TENM3: variants seen among roughly 807,000 people sequenced by gnomAD.
TENM3 encodes the protein teneurin transmembrane protein 3.
Under a neutral mutation model 255.1 loss-of-function variants are expected in TENM3, and 63 were observed. The ratio of observed to expected loss-of-function variants is 0.25; its 90% CI spans 0.20 to 0.30. The LOEUF is 0.30. Among genes scored for constraint, TENM3 ranks in the 10% least tolerant of loss-of-function variants. TENM3 has a pLI of 1.00. For synonymous variants in TENM3, 1,306 were observed against 1,322.3 expected (o/e 0.99, Z 0.27); for missense variants, 2,929 against 3,461.1 (o/e 0.85, Z 3.86).
chr4:181,779,946 G>A, the TENM3 span, among the ~76,000 whole-genome samples: 2 of 152,250 alleles, frequency 1.3e-5, no homozygotes, highest in East Asian at 3.9e-4. Context: ...CTTCATCCAT[G>A]TCCCTACAAA....
At chr4:181,698,801 A>G in the TENM3 span, among the ~76,000 whole-genome samples, 3 of 152,246 alleles carry the variant, frequency 2.0e-5, no homozygotes, top group African/African-American at 7.2e-5. Flanking sequence ...TTTGTCATTT[A>G]AAAAGTGATT....
chr4:182,111,189 C>CTTTTTTTTTTTTTTTTTTTT, the TENM3 span, among the ~76,000 whole-genome samples: 1 of 80,534 alleles, frequency 1.2e-5, no homozygotes, highest in Admixed American at 1.5e-4. Flanking sequence ...GTCTTCTTCT[C>CTTTTTTTTTTTTTTTTTTTT]TTTTTTTTTT....
At chr4:181,872,386 A>C in the TENM3 span, among the ~76,000 whole-genome samples, 1 of 151,900 alleles carries the variant, frequency 6.6e-6, no homozygotes, top group Non-Finnish European at 1.5e-5. Flanking sequence ...AACTTGTGTC[A>C]TGAGGGTTTG....
At chr4:182,050,195 G>A in the TENM3 span, among the ~76,000 whole-genome samples, 1 of 152,010 alleles carries the variant, frequency 6.6e-6, no homozygotes, top group African/African-American at 2.4e-5. Flanking sequence ...GTTTTGCCGT[G>A]TTGGCCAGGC....
At chr4:181,644,985 T>A in the TENM3 span, among the ~76,000 whole-genome samples, 4 of 152,146 alleles carry the variant, frequency 2.6e-5, no homozygotes, top group African/African-American at 9.7e-5. Context: ...CTAGACCATG[T>A]ACATGATGAA....
chr4:182,569,573 A>G (rs1470843287), intron 3 of TENM3, among the ~76,000 whole-genome samples: 5 of 151,756 alleles, frequency 3.3e-5, no homozygotes, highest in Admixed American at 6.6e-5. Flanking sequence ...AAAAAAAAAA[A>G]AGAAAGAAAG....
chr4:181,517,646 A>G, the TENM3 span, among the ~76,000 whole-genome samples: 7 of 152,208 alleles, frequency 4.6e-5, no homozygotes, highest in African/African-American at 1.4e-4. Flanking sequence ...TTTTTCAATA[A>G]GCAGAATGCT....
the TENM3 span, among the ~76,000 whole-genome samples, chr4:181,784,115 G>C: frequency 1.1e-4 from 16 of 150,698 alleles, no homozygotes; most frequent in Non-Finnish European, 2.1e-4. Flanking sequence ...CTGCAATAAT[G>C]ACATTCTTGT....
At chr4:181,478,627 T>C in the TENM3 span, among the ~76,000 whole-genome samples, 2 of 152,218 alleles carry the variant, frequency 1.3e-5, no homozygotes, top group East Asian at 3.8e-4. Context: ...TCAAGGAATT[T>C]ATTAATTCTT....
At position 182,162,500 on chromosome 4, in the gene TENM3, G is replaced by A. The variant is rs565834422; in HGVS notation, c.-76+17746G>A. On this transcript the variant is annotated intron_variant, in intron 1 of 2. Transcript: ENST00000512480. ...TCAAGGAAGAGAGAGGAATGTATAG[G>A]GTGGGGTTTGTTCCAGTGCCATCTC... Among the ~76,000 whole-genome samples the A allele has an allele frequency of 1.9e-4, 29 of 152,274 alleles. No homozygotes were observed. The South Asian group carries it at 5.8e-3, about 30-fold the overall frequency.
intron 1 of TENM3, among the ~76,000 whole-genome samples, chr4:182,299,910 ATC>A (rs762170219): frequency 6.9e-6 from 1 of 144,050 alleles, no homozygotes; most frequent in Non-Finnish European, 1.5e-5. Flanking sequence ...ATTCAAGTAG[ATC>A]TTTTTTTTTT....
chr4:182,605,258 C>G (rs191190397), intron 4 of TENM3, among the ~76,000 whole-genome samples: 3 of 152,186 alleles, frequency 2.0e-5, no homozygotes, highest in African/African-American at 7.2e-5. Flanking sequence ...GTAAAATATG[C>G]CTGGGAAGGT....
the TENM3 span, among the ~76,000 whole-genome samples, chr4:181,828,513 T>C: frequency 0.12 from 18,332 of 152,268 alleles, 1,632 homozygotes; most frequent in East Asian, 0.53. Flanking sequence ...AAAGAGTTCA[T>C]GTTTCTTGCC....
intron 3 of TENM3, among the ~76,000 whole-genome samples, chr4:182,363,426 C>T (rs1227990867): frequency 6.6e-6 from 1 of 150,920 alleles, no homozygotes; most frequent in Non-Finnish European, 1.5e-5. Flanking sequence ...TACATATATA[C>T]ATATATATGC....
chr4:182,706,005 T>C (rs1019432901), intron 12 of TENM3, among the ~76,000 whole-genome samples: 1 of 152,368 alleles, frequency 6.6e-6, no homozygotes, highest in African/African-American at 2.4e-5. Flanking sequence ...ATAAACATTT[T>C]AAATTCATTC....
intron 3 of TENM3, among the ~76,000 whole-genome samples, chr4:182,545,160 G>A (rs1212408166): frequency 6.6e-6 from 1 of 152,160 alleles, no homozygotes; most frequent in African/African-American, 2.4e-5. Flanking sequence ...CAATTACAGA[G>A]CTATGAGTCT....
At chr4:182,259,652 A>C (rs543407577) in intron 1 of TENM3, among the ~76,000 whole-genome samples, 2 of 152,262 alleles carry the variant, frequency 1.3e-5, no homozygotes, top group African/African-American at 4.8e-5. Flanking sequence ...ACAGATGTAC[A>C]TATTCTGGGG....
At chr4:182,062,405 C>A in the TENM3 span, among the ~76,000 whole-genome samples, 1 of 152,246 alleles carries the variant, frequency 6.6e-6, no homozygotes, top group East Asian at 1.9e-4. Context: ...GCGATAAAAT[C>A]CATCAATGCG....
intron 2 of TENM3, among the ~76,000 whole-genome samples, chr4:182,332,708 G>GAAAAAAA (rs112751092): frequency 5.0e-5 from 5 of 100,154 alleles, no homozygotes; most frequent in Admixed American, 1.0e-4. Flanking sequence ...AAAGAAAAAA[G>GAAAAAAA]AAAAAAAAAA....
Sources: gnomAD v4.1 joint callset for allele counts (sites outside exome capture counted in the v4.1 genomes callset) on GRCh38, gnomAD v4.1.1 for gene constraint, MANE v1.5 for transcripts, NCBI Gene and HGNC (gene_info 2026-07-23, HGNC 2026-07-21) for gene names.